Variants in CCDC171 observed in about 807,000 individuals in gnomAD.
CCDC171 encodes the protein coiled-coil domain containing 171.
In CCDC171, 177 loss-of-function variants were observed where a neutral mutation model predicts 168.2. The ratio of observed to expected loss-of-function variants is 1.05; its 90% CI spans 0.93 to 1.19. CCDC171 has a LOEUF of 1.19. Ranked by LOEUF, CCDC171 falls within the 50% of genes most tolerant of loss-of-function variation. CCDC171 has a pLI of 0.00. For synonymous variants in CCDC171, 687 were observed against 540.8 expected (o/e 1.27, Z -3.75); for missense variants, 1,991 against 1,539.0 (o/e 1.29, Z -4.91).
intron 24 of CCDC171, among the ~76,000 whole-genome samples, chr9:15,897,419 A>T (rs1821057143): frequency 6.6e-6 from 1 of 152,072 alleles, no homozygotes; most frequent in Admixed American, 6.6e-5. Context: ...GTTTTGATGG[A>T]AGTGTGGAAG....
chr9:15,903,228 G>T (rs1314415396), intron 24 of CCDC171, among the ~76,000 whole-genome samples: 1 of 152,206 alleles, frequency 6.6e-6, no homozygotes, highest in African/African-American at 2.4e-5. Flanking sequence ...CGGACAGACT[G>T]CCTCCTCAAG....
intron 1 of CCDC171, among the ~76,000 whole-genome samples, chr9:15,561,065 C>T (rs182441838): frequency 6.2e-4 from 95 of 152,168 alleles, no homozygotes; most frequent in Non-Finnish European, 1.2e-3. Flanking sequence ...TCTTTTGTGT[C>T]GCTCACGCTG....
At chr9:15,595,063 A>T (rs903529346) in intron 6 of CCDC171, among the ~76,000 whole-genome samples, 2 of 152,228 alleles carry the variant, frequency 1.3e-5, no homozygotes, top group South Asian at 4.1e-4. Context: ...ATCCACATAT[A>T]ATACATTTTG....
At chr9:15,954,300 T>C (rs917961144) in intron 25 of CCDC171, among the ~76,000 whole-genome samples, 2 of 152,070 alleles carry the variant, frequency 1.3e-5, no homozygotes, top group East Asian at 3.8e-4. Flanking sequence ...TGTTTCTTAA[T>C]GTAAGCATTT....
intron 18 of CCDC171, among the ~76,000 whole-genome samples, chr9:15,771,597 G>T (rs1054320918): frequency 6.6e-6 from 1 of 151,940 alleles, no homozygotes; most frequent in East Asian, 1.9e-4. Context: ...TAATTTTGCA[G>T]CTTGTGTTTT....
chr9:15,835,827 G>A (rs773632427), intron 21 of CCDC171, among the ~76,000 whole-genome samples: 12 of 152,096 alleles, frequency 7.9e-5, no homozygotes, highest in Admixed American at 5.2e-4. Flanking sequence ...TTTGGTTTAT[G>A]CCTTTCATAT....
At position 15,623,215 on chromosome 9, in the gene CCDC171, A is replaced by G. The variant is rs544956922; in HGVS notation, c.676-52A>G. On this transcript the variant is annotated intron_variant, in intron 6 of 25. Transcript: ENST00000380701. ...ACTGTCTTCTATTGGAGTGACTCTT[A>G]GTCATTGATGGCTTATAAACTTTAT... 3.6e-5 allele frequency: 49 copies of G among 1,379,224 alleles called. No homozygotes were observed. The African/African-American group carries it at 4.7e-4, about 13-fold the overall frequency. The allele number at this position is 1,379,224 out of a possible 1,614,324, so 85.4% of individuals were successfully genotyped here.
At chr9:15,581,464 T>G (rs1012100037) in intron 4 of CCDC171, among the ~76,000 whole-genome samples, 9 of 151,976 alleles carry the variant, frequency 5.9e-5, no homozygotes, top group Non-Finnish European at 2.9e-5. Flanking sequence ...AAAGAGCCCA[T>G]ATTGCCAAGA....
chr9:15,779,080 T>A lies in CCDC171; in HGVS notation c.3011T>A (p.Val1004Glu), dbSNP rs201500022. The part of the protein sequence containing the change: ...RLEVTEFKRS[V>E]NEMKKELDKA... ...GAGGTCACAGAATTCAAACGAAGTG[T>A]GAATGAAATGAAAAAGGAGCTTGAC... is the stretch of plus-strand genomic sequence containing the variant. Residue 1004 changes from valine to glutamate, a missense_variant, in exon 20 of 26, where the codon GTG becomes GAG. Physicochemically the swap from Val to Glu is moderately radical, Grantham distance 121 (BLOSUM62 -2). Transcript: ENST00000380701. The A allele has an allele frequency of 5.7e-5, 91 of 1,603,786 alleles. 1 individual carries two copies. The Admixed American group carries it at 1.6e-3, about 27-fold the overall frequency.
At chr9:15,803,658 A>C (rs1365577532) in intron 21 of CCDC171, among the ~76,000 whole-genome samples, 1 of 152,142 alleles carries the variant, frequency 6.6e-6, no homozygotes, top group East Asian at 1.9e-4. Context: ...TGTTTTGATT[A>C]CAGTAGCCCT....
intron 1 of CCDC171, among the ~76,000 whole-genome samples, chr9:16,046,082 T>A (rs555477611): frequency 6.6e-6 from 1 of 152,336 alleles, no homozygotes; most frequent in East Asian, 1.9e-4. Flanking sequence ...TAGACACAGT[T>A]ATTGAGGGCA....
At chr9:15,755,812 G>A (rs370344045) in intron 18 of CCDC171, among the ~76,000 whole-genome samples, 2 of 152,258 alleles carry the variant, frequency 1.3e-5, no homozygotes, top group South Asian at 2.1e-4. Context: ...GGGAGTATGG[G>A]AAGTGACTGC....
intron 3 of CCDC171, among the ~76,000 whole-genome samples, chr9:16,001,837 C>CTT (rs35583305): frequency 2.3e-4 from 29 of 128,010 alleles, no homozygotes; most frequent in African/African-American, 6.3e-4. Context: ...GATTTATTAT[C>CTT]TTTTTTTTTT....
chr9:16,093,431 T>C, the CCDC171 span, among the ~76,000 whole-genome samples: 2 of 152,318 alleles, frequency 1.3e-5, no homozygotes, highest in African/African-American at 4.8e-5. Context: ...TTCTATCTGA[T>C]TCATTTAATA....
At chr9:15,708,460 G>T (rs1374215507) in intron 11 of CCDC171, among the ~76,000 whole-genome samples, 1 of 152,092 alleles carries the variant, frequency 6.6e-6, no homozygotes, top group Non-Finnish European at 1.5e-5. Context: ...CCCTCTTTTG[G>T]AAATGGAGGG....
rs191849540 is a variant in CCDC171 at position 15,773,422 on chromosome 9, T to G, written c.2672-4178T>G. Among the ~76,000 whole-genome samples the G allele has an allele frequency of 3.6e-3, 556 of 152,342 alleles. 1 individual carries two copies. The highest frequency in any genetic ancestry group is 5.1e-3 in the Non-Finnish European group (348 of 68,030). On this transcript the variant is annotated intron_variant, in intron 18 of 25. Coordinates refer to ENST00000380701, the MANE Select transcript of CCDC171 (RefSeq NM_173550.4). ...AGAACTACAGGTCGAAACAATTCTT[T>G]ATGAATTTGTTTTGAAGATTTTAGC...
chr9:15,752,225 A>G (rs755647419), intron 18 of CCDC171, among the ~76,000 whole-genome samples: 2 of 152,220 alleles, frequency 1.3e-5, no homozygotes, highest in South Asian at 2.1e-4. Flanking sequence ...CACCAGTTAG[A>G]ATGGCGATCA....
At chr9:15,989,453 T>C (rs1832112328) in intron 3 of CCDC171, among the ~76,000 whole-genome samples, 1 of 151,900 alleles carries the variant, frequency 6.6e-6, no homozygotes, top group African/African-American at 2.4e-5. Context: ...AGACCAAAGG[T>C]AGGTAAACCC....
chr9:15,577,438 C>G (rs1324782741), intron 3 of CCDC171, among the ~76,000 whole-genome samples: 1 of 152,180 alleles, frequency 6.6e-6, no homozygotes, highest in Non-Finnish European at 1.5e-5. Flanking sequence ...TCCTAAACAA[C>G]TGCACACCAT....
Sources: allele counts gnomAD v4.1 joint callset (sites outside exome capture counted in the v4.1 genomes callset), GRCh38; gene constraint gnomAD v4.1.1; transcripts MANE v1.5; gene names NCBI Gene and HGNC (gene_info 2026-07-23, HGNC 2026-07-21).